AJAP1: variants seen among roughly 807,000 people sequenced by gnomAD.
The protein encoded by AJAP1 is adherens junction-associated protein 1.
A neutral mutation model predicts 35.0 loss-of-function variants in AJAP1; 5 were observed. The observed-to-expected ratio is 0.14, with a 90% CI of 0.07 to 0.30. The LOEUF (loss-of-function observed/expected upper bound fraction) is 0.30, where lower values mean the gene tolerates loss of function less well. Ranked by LOEUF, AJAP1 falls within the 10% of genes least tolerant of loss-of-function variation. The pLI, the probability that AJAP1 is intolerant of heterozygous loss-of-function variation, is 1.00. For missense variants in AJAP1, 586 were observed against 571.0 expected, an observed-to-expected ratio of 1.03 and a Z score of -0.27; for synonymous variants, 284 against 249.3, an observed-to-expected ratio of 1.14 and a Z score of -1.31.
At chr1:4,775,189 TAA>T (rs1553162002) in intron 5 of AJAP1, among the ~76,000 whole-genome samples, 11 of 152,220 alleles carry the variant, frequency 7.2e-5, no homozygotes, top group Non-Finnish European at 1.5e-4. Context: ...ATATTAACTT[TAA>T]TGCTAACGTT....
chr1:4,772,427 G>C lies in AJAP1; in HGVS notation c.1065G>C (p.Gln355His). The stretch of plus-strand genomic sequence containing the variant: ...TCACGGCCTATAACGAGACCCTGCA[G>C]TGTTCTCACGAGTGCGTCAGGGCAT... ...DIFTAYNETL[Q>H]CSHECVRASV... Residue 355 changes from glutamine to histidine, a missense_variant, in exon 4 of 6, where the codon CAG becomes CAC. Gln to His is a conservative substitution (Grantham distance 24). Coordinates refer to ENST00000378191, the MANE Select transcript of AJAP1 (RefSeq NM_018836.4). 1 of 1,614,272 alleles carries C rather than the reference G, an allele frequency of 6.2e-7. No individual in the cohort carries two copies. Among genetic ancestry groups the C allele is most frequent in the Non-Finnish European group, 8.5e-7 (1 of 1,180,054 alleles).
chr1:4,779,492 G>A (rs574558360), intron 5 of AJAP1, among the ~76,000 whole-genome samples: 4 of 152,184 alleles, frequency 2.6e-5, no homozygotes, highest in Admixed American at 6.5e-5. Flanking sequence ...GAACACCTCC[G>A]GAGCACAGCC....
intron 2 of AJAP1, among the ~76,000 whole-genome samples, chr1:4,735,782 C>T (rs762587804): frequency 1.3e-5 from 2 of 152,200 alleles, no homozygotes; most frequent in Non-Finnish European, 2.9e-5. Flanking sequence ...CTCCGGGGTC[C>T]CATCTTCCTG....
chr1:4,745,950 T>A (rs1004010524), intron 2 of AJAP1, among the ~76,000 whole-genome samples: 12 of 152,212 alleles, frequency 7.9e-5, no homozygotes, highest in African/African-American at 2.9e-4. Flanking sequence ...TCTCCCAGCC[T>A]CCCTTTCCTC....
intron 2 of AJAP1, among the ~76,000 whole-genome samples, chr1:4,747,626 A>C (rs1641219009): frequency 6.6e-6 from 1 of 152,168 alleles, no homozygotes; most frequent in Non-Finnish European, 1.5e-5. Context: ...ATCCACACAT[A>C]TGCATGGAAG....
At chr1:4,738,853 G>A (rs918810589) in intron 2 of AJAP1, among the ~76,000 whole-genome samples, 2 of 152,154 alleles carry the variant, frequency 1.3e-5, no homozygotes, top group Non-Finnish European at 2.9e-5. Flanking sequence ...TTCCATGAAG[G>A]GAGGCCCCAT....
At chr1:4,700,615 G>A (rs1639965608) in intron 1 of AJAP1, among the ~76,000 whole-genome samples, 1 of 152,220 alleles carries the variant, frequency 6.6e-6, no homozygotes, top group Non-Finnish European at 1.5e-5. Context: ...CTGTCCCTTT[G>A]CTCAGGGGGA....
At position 4,783,833 on chromosome 1, in the gene AJAP1, T is replaced by C. The variant is rs1421807890; in HGVS notation, c.*1348T>C. The C allele has an allele frequency of 6.6e-6, 1 of 151,966 alleles. No individual in the cohort carries two copies. The allele number at this position is 151,966 out of a possible 1,614,324, so 9.4% of individuals were successfully genotyped here. A position where few individuals can be genotyped will look rare whatever the true frequency, so the allele number is the denominator to read the frequency against. ...TATCAGGGCAGAACTTAGACATACG[T>C]GAAGGGCCCCGGTTGGTTTGAAAAC... On this transcript the variant is annotated 3_prime_UTR_variant, in exon 6 of 6. Transcript: ENST00000378191.
chr1:4,742,316 T>G (rs574619154), intron 2 of AJAP1, among the ~76,000 whole-genome samples: 1 of 152,216 alleles, frequency 6.6e-6, no homozygotes, highest in Non-Finnish European at 1.5e-5. Context: ...CTTCGTGATT[T>G]TCTTTCCCCA....
intron 4 of AJAP1, among the ~76,000 whole-genome samples, chr1:4,773,962 G>A (rs1464351487): frequency 2.0e-5 from 3 of 152,232 alleles, no homozygotes; most frequent in Non-Finnish European, 4.4e-5. Flanking sequence ...GTCATGCTCT[G>A]TTGGGTTTCA....
intron 1 of AJAP1, among the ~76,000 whole-genome samples, chr1:4,658,907 G>A (rs976002405): frequency 1.6e-4 from 25 of 152,314 alleles, no homozygotes; most frequent in African/African-American, 5.5e-4. Context: ...ATGCACCTGC[G>A]TCTTTCTAGC....
chr1:4,688,986 C>A (rs1160146366), intron 1 of AJAP1, among the ~76,000 whole-genome samples: 1 of 152,038 alleles, frequency 6.6e-6, no homozygotes, highest in Admixed American at 6.6e-5. Flanking sequence ...CCTCCAGTAC[C>A]CACCAGTGGG....
At position 4,782,662 on chromosome 1, in the gene AJAP1, G is replaced by T; in HGVS notation, c.*177G>T. 1 of 398,280 alleles carries T rather than the reference G, an allele frequency of 2.5e-6. No homozygotes were observed. Among genetic ancestry groups the T allele is most frequent in the South Asian group, 1.3e-4 (1 of 7,658 alleles). The allele number at this position is 398,280 out of a possible 1,614,324, so 24.7% of individuals were successfully genotyped here. ...GCACCTACCACTTCTGTTTGCCGGTGGGAAACTCACAGAGCAGGACGCTCT... is the reference window on the plus strand; with the variant it reads ...GCACCTACCACTTCTGTTTGCCGGTTGGAAACTCACAGAGCAGGACGCTCT... On this transcript the variant is annotated 3_prime_UTR_variant, in exon 6 of 6. Transcript: ENST00000378191. The surrounding 1 kb of genome is among the most constrained non-coding windows in gnomAD (Gnocchi z 5.3).
chr1:4,755,564 C>A (rs1409332416), intron 2 of AJAP1, among the ~76,000 whole-genome samples: 2 of 152,108 alleles, frequency 1.3e-5, no homozygotes, highest in African/African-American at 2.4e-5. Flanking sequence ...TGCCCATGGA[C>A]TCAGTCTAGT....
chr1:4,739,364 G>A (rs1344134734), intron 2 of AJAP1, among the ~76,000 whole-genome samples: 1 of 152,210 alleles, frequency 6.6e-6, no homozygotes, highest in Non-Finnish European at 1.5e-5. Flanking sequence ...TCTCCCGTCT[G>A]TCGGCAGCAA....
chr1:4,659,151 C>A (rs946760657), intron 1 of AJAP1, among the ~76,000 whole-genome samples: 3 of 152,174 alleles, frequency 2.0e-5, no homozygotes, highest in African/African-American at 7.2e-5. Flanking sequence ...GCTGAGCCTT[C>A]AAGAGCCCAG....
In AJAP1 at chr1:4,756,752, C is replaced by T. The variant is rs1641441012; in HGVS notation, c.830-13101C>T. 2.0e-5 allele frequency among the ~76,000 whole-genome samples: 3 copies of T among 152,214 alleles called. No individual in the cohort carries two copies. In the South Asian group the frequency reaches 6.2e-4, roughly 31 times the overall value. On this transcript the variant is annotated intron_variant, in intron 2 of 5. Transcript: ENST00000378191. ...TGAAACAAGTTTGCTTTCTGGAGGC[C>T]TCTCAAACCTGAGCTTTGTGACTCT...
chr1:4,751,645 C>T (rs960420038), intron 2 of AJAP1, among the ~76,000 whole-genome samples: 9 of 152,240 alleles, frequency 5.9e-5, no homozygotes, highest in South Asian at 4.1e-4. Flanking sequence ...GTCTGGGAGT[C>T]GTCTTGTCCA....
intron 2 of AJAP1, among the ~76,000 whole-genome samples, chr1:4,749,098 G>A (rs577583339): frequency 3.3e-5 from 5 of 152,290 alleles, no homozygotes; most frequent in Admixed American, 6.5e-5. Context: ...AGTCCAGTTC[G>A]CAGTGCCCAG....
Sources: gnomAD v4.1 joint callset for allele counts (sites outside exome capture counted in the v4.1 genomes callset) on GRCh38, gnomAD v4.1.1 for gene constraint, Gnocchi (gnomAD v3.1) non-coding constraint, MANE v1.5 for transcripts, NCBI Gene and HGNC (gene_info 2026-07-23, HGNC 2026-07-21) for gene names.